The following GABRB3 variants were observed in gnomAD, a reference collection of about 807,000 sequenced individuals.
The protein encoded by GABRB3 is gamma-aminobutyric acid type A receptor subunit beta3.
Under a neutral mutation model 52.1 loss-of-function variants are expected in GABRB3, and 14 were observed. The observed-to-expected ratio is 0.27, with a 90% CI of 0.18 to 0.42. The LOEUF is 0.42. Ranked by LOEUF, GABRB3 falls within the 10% of genes least tolerant of loss-of-function variation. The probability of loss-of-function intolerance (pLI) is 1.00; values close to 1 mark genes in which losing one functional copy is unlikely to be tolerated. For missense variants in GABRB3, 307 were observed against 609.1 expected (o/e 0.50, Z 5.22); for synonymous variants, 260 against 232.3 (o/e 1.12, Z -1.08).
chr15:26,632,902 C>G (rs1892949457), intron 3 of GABRB3, among the ~76,000 whole-genome samples: 2 of 152,184 alleles, frequency 1.3e-5, no homozygotes, highest in Non-Finnish European at 1.5e-5. Context: ...TGTACTTTCT[C>G]TTGTCTCAAG....
chr15:26,583,492 G>C, intron 4 of GABRB3, 78 bp from the exon 5 acceptor site: 2 of 1,196,424 alleles, frequency 1.7e-6, no homozygotes, highest in Non-Finnish European at 2.5e-6. Context: ...AGATAAACGA[G>C]TAAGCCCCTG....
At chr15:26,635,518 CA>C (rs11452826) in intron 3 of GABRB3, among the ~76,000 whole-genome samples, 28,166 of 147,594 alleles carry the variant, frequency 0.19, 3,138 homozygotes, top group African/African-American at 0.33. Context: ...GCAGACAAGG[CA>C]AAAAAAAAAT....
At chr15:26,716,789 C>A (rs1394010141) in intron 3 of GABRB3, 1 of 1,164,658 alleles carries the variant, frequency 8.6e-7, no homozygotes, top group East Asian at 6.2e-5. Context: ...AAATGACAGC[C>A]CAGCTCTGAG....
chr15:26,588,113 C>A (rs1009360061), intron 4 of GABRB3, among the ~76,000 whole-genome samples: 2 of 152,200 alleles, frequency 1.3e-5, no homozygotes, highest in Admixed American at 1.3e-4. Context: ...GGCCAAGTGA[C>A]AGAAGACACG....
chr15:26,702,461 T>G (rs1358108145), intron 3 of GABRB3, among the ~76,000 whole-genome samples: 1 of 152,208 alleles, frequency 6.6e-6, no homozygotes, highest in African/African-American at 2.4e-5. Flanking sequence ...ACTAATCACA[T>G]GAACAGGTGT....
chr15:26,555,332 G>A (rs1252358405), intron 8 of GABRB3, among the ~76,000 whole-genome samples: 1 of 152,156 alleles, frequency 6.6e-6, no homozygotes, highest in Non-Finnish European at 1.5e-5. Flanking sequence ...CATCATGTAG[G>A]TGGGGACTTC....
chr15:26,719,245 G>C (rs1179549505), intron 3 of GABRB3, among the ~76,000 whole-genome samples: 1 of 152,238 alleles, frequency 6.6e-6, no homozygotes, highest in Non-Finnish European at 1.5e-5. Flanking sequence ...ACAAATGTGG[G>C]ACCAACTAAA....
At chr15:26,759,504 C>T (rs555217284) in intron 3 of GABRB3, among the ~76,000 whole-genome samples, 9 of 152,312 alleles carry the variant, frequency 5.9e-5, no homozygotes, top group African/African-American at 2.2e-4. Context: ...CGTGATCCAC[C>T]CGCCTCGGCC....
At chr15:26,652,381 T>C (rs546382556) in intron 3 of GABRB3, among the ~76,000 whole-genome samples, 2 of 152,338 alleles carry the variant, frequency 1.3e-5, no homozygotes, top group South Asian at 4.1e-4. Flanking sequence ...TCACTCCTAT[T>C]GGCTAAGAAT....
intron 3 of GABRB3, among the ~76,000 whole-genome samples, chr15:26,724,466 A>T (rs1386380646): frequency 6.6e-6 from 1 of 151,980 alleles, no homozygotes; most frequent in East Asian, 1.9e-4. Context: ...CTTTTGAAAG[A>T]CTCCACCGAT....
intron 3 of GABRB3, among the ~76,000 whole-genome samples, chr15:26,645,917 G>A (rs374102637): frequency 3.7e-4 from 56 of 151,634 alleles, no homozygotes; most frequent in Admixed American, 1.4e-3. Context: ...ATGGAGTCTC[G>A]TGGCACAAGA....
At chr15:26,670,623 T>C (rs1284852577) in intron 3 of GABRB3, among the ~76,000 whole-genome samples, 3 of 152,152 alleles carry the variant, frequency 2.0e-5, no homozygotes, top group African/African-American at 7.2e-5. Context: ...GCTTTTCCCA[T>C]AAATATCGAG....
Position 26,715,933 on chromosome 15 carries a change from A to G in GABRB3, c.240+56469T>C, listed in dbSNP as rs560660041. Among the ~76,000 whole-genome samples the G allele has an allele frequency of 1.9e-4, 29 of 152,334 alleles. No individual in the cohort carries two copies. In the South Asian group the frequency reaches 2.3e-3, roughly 12 times the overall value. ...GATTTCCAGACTTGCTACATCTTCC[A>G]GACACAAAAAGCAAAATACACAGAG... On this transcript the variant is annotated intron_variant, in intron 3 of 8. Transcript: ENST00000311550.
intron 8 of GABRB3, chr15:26,553,643 G>A (rs927136427): frequency 1.3e-5 from 2 of 152,046 alleles, no homozygotes; most frequent in African/African-American, 4.8e-5. Context: ...ACTTCAGGAC[G>A]TGCGATGCCT....
intron 6 of GABRB3, among the ~76,000 whole-genome samples, chr15:26,574,670 T>C (rs903573428): frequency 2.0e-5 from 3 of 152,164 alleles, no homozygotes; most frequent in South Asian, 4.1e-4. Context: ...ATTCCACTGA[T>C]ATGAAATGTA....
chr15:26,658,509 T>C (rs921749742), intron 3 of GABRB3: 1 of 152,220 alleles, frequency 6.6e-6, no homozygotes, highest in African/African-American at 2.4e-5. Context: ...AAAGAATGAC[T>C]CTGACTATGC....
intron 4 of GABRB3, among the ~76,000 whole-genome samples, chr15:26,600,880 G>A (rs1891560049): frequency 6.6e-6 from 1 of 152,036 alleles, no homozygotes; most frequent in Non-Finnish European, 1.5e-5. Context: ...CTAGTATGAG[G>A]GTTAAATAAC....
intron 3 of GABRB3, among the ~76,000 whole-genome samples, chr15:26,667,759 G>A (rs1863461): frequency 0.1 from 15,626 of 152,128 alleles, 958 homozygotes; most frequent in Middle Eastern, 0.2. Context: ...CCTCATCCCA[G>A]ACCAGTTTAT....
At chr15:26,552,103 T>A (rs1251834839) in intron 8 of GABRB3, among the ~76,000 whole-genome samples, 2 of 151,736 alleles carry the variant, frequency 1.3e-5, no homozygotes, top group East Asian at 3.9e-4. Flanking sequence ...TCCTCCTGGG[T>A]TCAAGCGATT....
Sources: gnomAD v4.1 joint callset for allele counts (sites outside exome capture counted in the v4.1 genomes callset) on GRCh38, gnomAD v4.1.1 for gene constraint, MANE v1.5 for transcripts, NCBI Gene and HGNC (gene_info 2026-07-23, HGNC 2026-07-21) for gene names.